BPIFA1: variants seen among roughly 807,000 people sequenced by gnomAD.
The protein encoded by BPIFA1 is BPI fold containing family A member 1, also known as BPI fold-containing family A member 1.
Under a neutral mutation model 25.1 loss-of-function variants are expected in BPIFA1, and 24 were observed. That is an observed-to-expected ratio of 0.96 (90% CI 0.69 to 1.35). The LOEUF (loss-of-function observed/expected upper bound fraction) is 1.35. Among genes scored for constraint, BPIFA1 ranks in the 40% most tolerant of loss-of-function variants. BPIFA1 has a pLI of 0.00. For synonymous variants in BPIFA1, 139 were observed against 131.8 expected (o/e 1.05, Z -0.37); for missense variants, 344 against 303.7 (o/e 1.13, Z -0.99).
intron 1 of BPIFA1, among the ~76,000 whole-genome samples, chr20:33,237,088 A>G (rs1301647482): frequency 6.6e-6 from 1 of 152,182 alleles, no homozygotes; most frequent in Non-Finnish European, 1.5e-5. Context: ...AGCAGCAATG[A>G]TTCAAACCAT....
At chr20:33,242,452 T>C in intron 7 of BPIFA1, 35 bp from the exon 8 acceptor site, 1 of 1,611,966 alleles carries the variant, frequency 6.2e-7, no homozygotes, top group Non-Finnish European at 8.5e-7. Context: ...ATCATAACTG[T>C]CGTCTGTTTT....
chr20:33,239,692 C>G (rs758458132), intron 3 of BPIFA1, 111 bp from the exon 4 acceptor site: 64 of 1,057,114 alleles, frequency 6.1e-5, no homozygotes, highest in Non-Finnish European at 9.2e-5. Context: ...ATCTCCCTAT[C>G]CTGGGTGGGA....
chr20:33,240,282 A>G lies in BPIFA1; in HGVS notation c.478A>G (p.Thr160Ala), dbSNP rs188350488. 9 of 1,613,864 alleles carry G rather than the reference A, an allele frequency of 5.6e-6. No homozygotes were observed. Among genetic ancestry groups the G allele is most frequent in the Middle Eastern group, 1.6e-4 (1 of 6,082 alleles). The change falls in exon 5 of 9, where the codon ACT becomes GCT. Residue 160 changes from threonine (T) to alanine (A), a missense_variant. Thr to Ala is a moderately conservative substitution (Grantham distance 58, BLOSUM62 0). Transcript: ENST00000354297. ...LLRLAVKLDI[T>A]AEILAVRDKQ... ...GAGGCTGGCTGTGAAGCTGGACATCACTGCAGAAATCTTAGCTGTGAGAGA... is the reference window on the plus strand; with the variant it reads ...GAGGCTGGCTGTGAAGCTGGACATCGCTGCAGAAATCTTAGCTGTGAGAGA...
intron 1 of BPIFA1, 25 bp from the exon 2 acceptor site, chr20:33,237,672 G>T: frequency 7.1e-7 from 1 of 1,410,688 alleles, no homozygotes; most frequent in Non-Finnish European, 9.3e-7. Context: ...CCCATGCCAT[G>T]TTGGACTTGT....
intron 7 of BPIFA1, 134 bp from the exon 8 acceptor site, chr20:33,242,353 C>T (rs1979021052): frequency 1.7e-6 from 2 of 1,173,308 alleles, no homozygotes; most frequent in Admixed American, 2.0e-5. Flanking sequence ...GGCCTGGCTT[C>T]CTCCAAGCAT....
In BPIFA1 at chr20:33,237,680, T is replaced by C; in HGVS notation, c.-15-17T>C. ...TCTGATACCCATGCCATGTTGGACT[T>C]GTCATTCTGGCCACAGATACTAAGA... On this transcript the variant is annotated splice_polypyrimidine_tract_variant and intron_variant, in intron 1 of 8. Transcript: ENST00000354297. The C allele has an allele frequency of 1.4e-6, 2 of 1,414,506 alleles. No individual in the cohort carries two copies. Among genetic ancestry groups the C allele is most frequent in the Non-Finnish European group, 1.9e-6 (2 of 1,079,144 alleles). 87.6% of individuals were successfully genotyped at this position (1,414,506 alleles called of 1,614,324 possible).
At chr20:33,238,680 G>A (rs1369111007) in intron 3 of BPIFA1, among the ~76,000 whole-genome samples, 4 of 152,212 alleles carry the variant, frequency 2.6e-5, no homozygotes, top group Non-Finnish European at 5.9e-5. Flanking sequence ...GTTAGCGAGA[G>A]TATAACCTGC....
At chr20:33,239,338 A>G (rs556078195) in intron 3 of BPIFA1, among the ~76,000 whole-genome samples, 1 of 152,182 alleles carries the variant, frequency 6.6e-6, no homozygotes, top group Admixed American at 6.5e-5. Flanking sequence ...ATTTACTTCC[A>G]GTTGCACCTG....
At chr20:33,242,181 GT>G in intron 7 of BPIFA1, 62 bp downstream of exon 7, 1 of 1,548,150 alleles carries the variant, frequency 6.5e-7, no homozygotes, top group South Asian at 1.1e-5. Flanking sequence ...CCCCCAAGGA[GT>G]TTTTTCCCTG....
At chr20:33,237,935 T>A in intron 2 of BPIFA1, 64 bp downstream of exon 2, 1 of 1,471,462 alleles carries the variant, frequency 6.8e-7, no homozygotes, top group Non-Finnish European at 9.2e-7. Context: ...TGTGTGTGTG[T>A]GTGTGTGTGT....
Position 33,243,161 on chromosome 20 carries a change from G to C in BPIFA1, c.*89G>C, listed in dbSNP as rs542094665. The C allele has an allele frequency of 6.5e-6, 1 of 152,672 alleles. No homozygotes were observed. Among genetic ancestry groups the C allele is most frequent in the African/African-American group, 2.4e-5 (1 of 41,570 alleles). The allele number at this position is 152,672 out of a possible 1,614,324, so 9.5% of individuals were successfully genotyped here. A position where few individuals can be genotyped will look rare whatever the true frequency, so the allele number is the denominator to read the frequency against. Reference sequence around the variant, plus strand: ...TGCTCAATCCATTTCCTCTGGCCCAGCTTCCCAGTGCTCACAGATGGCTGG... The same window carrying C: ...TGCTCAATCCATTTCCTCTGGCCCACCTTCCCAGTGCTCACAGATGGCTGG... On this transcript the variant is annotated 3_prime_UTR_variant, in exon 9 of 9. Coordinates refer to ENST00000354297, the MANE Select transcript of BPIFA1 (RefSeq NM_130852.3).
At chr20:33,239,194 GGACAATGGGAGA>G (rs1435734075) in intron 3 of BPIFA1, among the ~76,000 whole-genome samples, 14 of 152,076 alleles carry the variant, frequency 9.2e-5, no homozygotes, top group African/African-American at 3.4e-4. Flanking sequence ...TGGAAAGATA[GGACAATGGGAGA>G]ATGGCTTCCT....
intron 5 of BPIFA1, among the ~76,000 whole-genome samples, chr20:33,240,898 A>G (rs953988814): frequency 6.6e-6 from 1 of 152,202 alleles, no homozygotes; most frequent in African/African-American, 2.4e-5. Context: ...ACCTACCAAG[A>G]TAACAGGTGT....
chr20:33,236,774 G>C (rs899671317), intron 1 of BPIFA1, among the ~76,000 whole-genome samples: 1 of 152,166 alleles, frequency 6.6e-6, no homozygotes, highest in Non-Finnish European at 1.5e-5. Context: ...AGGGTTGGGA[G>C]ACCTGCCTTC....
chr20:33,242,646 A>C, intron 8 of BPIFA1, 85 bp downstream of exon 8: 2 of 984,896 alleles, frequency 2.0e-6, no homozygotes, highest in Non-Finnish European at 3.2e-6. Context: ...TGGGACAATG[A>C]CATCCAAAGA....
intron 4 of BPIFA1, 96 bp downstream of exon 4, chr20:33,240,006 C>A (rs763660109): frequency 7.1e-7 from 1 of 1,399,614 alleles, no homozygotes; most frequent in South Asian, 1.2e-5. Context: ...GTCTAACAGA[C>A]CTGAGCCTCC....
intron 1 of BPIFA1, among the ~76,000 whole-genome samples, chr20:33,236,820 T>C (rs1433298990): frequency 1.3e-5 from 2 of 152,210 alleles, no homozygotes; most frequent in African/African-American, 4.8e-5. Flanking sequence ...TGTATGACCT[T>C]GGGAAAGTCA....
At chr20:33,237,997 G>T (rs962385031) in intron 2 of BPIFA1, 58 bp from the exon 3 acceptor site, 81 of 1,567,236 alleles carry the variant, frequency 5.2e-5, no homozygotes, top group Non-Finnish European at 6.7e-5. Context: ...GGGGGAGGGG[G>T]CCTGAGGATC....
intron 6 of BPIFA1, 54 bp downstream of exon 6, chr20:33,241,523 C>T (rs1978979336): frequency 6.6e-7 from 1 of 1,507,864 alleles, no homozygotes; most frequent in African/African-American, 1.4e-5. Context: ...GCTTCTTGCA[C>T]TAAAACAAAG....
Sources: gnomAD v4.1 joint callset for allele counts (sites outside exome capture counted in the v4.1 genomes callset) on GRCh38, gnomAD v4.1.1 for gene constraint, MANE v1.5 for transcripts, NCBI Gene and HGNC (gene_info 2026-07-23, HGNC 2026-07-21) for gene names.